Variants in LRRC37A2 observed in about 807,000 individuals in gnomAD.
LRRC37A2 encodes the protein leucine rich repeat containing 37 member A2.
A neutral mutation model predicts 68.8 loss-of-function variants in LRRC37A2; 9 were observed. The observed-to-expected ratio is 0.13, with a 90% CI of 0.08 to 0.23. The LOEUF is 0.23. Among genes scored for constraint, LRRC37A2 ranks in the 10% least tolerant of loss-of-function variants. The pLI is 1.00. For missense variants in LRRC37A2, 168 were observed against 950.4 expected (o/e 0.18, Z 10.82); for synonymous variants, 63 against 367.6 (o/e 0.17, Z 9.48).
chr17:46,708,820 A>T, the LRRC37A2 span, among the ~76,000 whole-genome samples: 39 of 98,522 alleles, frequency 4.0e-4, no homozygotes, highest in African/African-American at 1.5e-3. Context: ...ATATATATAT[A>T]TATTTTTTTT....
At chr17:46,952,458 G>A in the LRRC37A2 span, among the ~76,000 whole-genome samples, 1 of 152,206 alleles carries the variant, frequency 6.6e-6, no homozygotes, top group Admixed American at 6.5e-5. Context: ...TGTTGATCTA[G>A]CAAGAAGTCC....
chr17:46,889,447 A>G, the LRRC37A2 span, among the ~76,000 whole-genome samples: 751 of 152,278 alleles, frequency 4.9e-3, 6 homozygotes, highest in African/African-American at 0.017. Context: ...CATGGAAGTC[A>G]CGTCTTAACC....
chr17:46,504,840 C>A, the LRRC37A2 span, among the ~76,000 whole-genome samples: 1 of 117,214 alleles, frequency 8.5e-6, no homozygotes, highest in African/African-American at 3.6e-5. Context: ...AAATAAATTG[C>A]TTTAATAAAT....
At chr17:46,875,292 T>A in the LRRC37A2 span, 1 of 1,614,124 alleles carries the variant, frequency 6.2e-7, no homozygotes, top group Non-Finnish European at 8.5e-7. Flanking sequence ...TCTGAGCAAC[T>A]TCCTGGGGTC....
the LRRC37A2 span, among the ~76,000 whole-genome samples, chr17:46,989,281 AC>A: frequency 1.1e-4 from 17 of 152,116 alleles, no homozygotes; most frequent in African/African-American, 3.9e-4. Flanking sequence ...GCTGGGGACT[AC>A]CCCCTTCGAA....
chr17:46,735,129 A>G, the LRRC37A2 span, among the ~76,000 whole-genome samples: 1 of 152,324 alleles, frequency 6.6e-6, no homozygotes, highest in East Asian at 1.9e-4. Flanking sequence ...ATAAAATCAA[A>G]TTTTCAAAAT....
the LRRC37A2 span, chr17:46,755,561 C>T: frequency 1.5e-6 from 1 of 689,342 alleles, no homozygotes; most frequent in Admixed American, 2.9e-5. Flanking sequence ...TCCTGCTTCG[C>T]AAAACTTCCT....
At chr17:46,961,527 T>C in the LRRC37A2 span, among the ~76,000 whole-genome samples, 1 of 152,112 alleles carries the variant, frequency 6.6e-6, no homozygotes, top group Non-Finnish European at 1.5e-5. Context: ...AAATTAAGAC[T>C]CTGCCTCTGT....
the LRRC37A2 span, among the ~76,000 whole-genome samples, chr17:46,806,113 A>G: frequency 1.3e-5 from 2 of 151,804 alleles, no homozygotes; most frequent in African/African-American, 4.8e-5. Context: ...ACTAGCTGCC[A>G]CTGGAGCCGC....
chr17:46,725,133 C>T, the LRRC37A2 span, among the ~76,000 whole-genome samples: 10 of 151,940 alleles, frequency 6.6e-5, no homozygotes, highest in Admixed American at 5.2e-4. Flanking sequence ...AATATATATA[C>T]GTAATATACA....
At chr17:46,722,185 A>G in the LRRC37A2 span, 4 of 1,607,304 alleles carry the variant, frequency 2.5e-6, 1 homozygote, top group South Asian at 3.3e-5. Context: ...TCCTGGGAGA[A>G]CTTGCAGCGC....
chr17:46,820,243 G>A, the LRRC37A2 span, among the ~76,000 whole-genome samples: 1 of 152,198 alleles, frequency 6.6e-6, no homozygotes, highest in Non-Finnish European at 1.5e-5. Context: ...TGGCCTCGGG[G>A]GCACCAAGGG....
chr17:46,973,620 C>CA, the LRRC37A2 span, among the ~76,000 whole-genome samples: 1 of 152,182 alleles, frequency 6.6e-6, no homozygotes, highest in African/African-American at 2.4e-5. Flanking sequence ...GAACACCCCG[C>CA]AATGCTGTCA....
the LRRC37A2 span, among the ~76,000 whole-genome samples, chr17:47,000,083 AAATAAAATAAAATAAAAT>A: frequency 7.0e-4 from 54 of 77,082 alleles, 2 homozygotes; most frequent in Middle Eastern, 6.6e-3. Context: ...ATAAAAAATA[AAATAAAATAAAATAAAAT>A]AAAATAAAAT....
At chr17:46,771,015 C>T in the LRRC37A2 span, among the ~76,000 whole-genome samples, 1 of 152,208 alleles carries the variant, frequency 6.6e-6, no homozygotes, top group African/African-American at 2.4e-5. Context: ...CAAAATTGGT[C>T]ATAAATGTGA....
At chr17:46,824,501 G>C in the LRRC37A2 span, among the ~76,000 whole-genome samples, 1 of 152,226 alleles carries the variant, frequency 6.6e-6, no homozygotes, top group Non-Finnish European at 1.5e-5. Flanking sequence ...CGCCCGCCTT[G>C]GCCTCCCAAA....
the LRRC37A2 span, among the ~76,000 whole-genome samples, chr17:46,942,968 C>T: frequency 6.6e-6 from 1 of 152,190 alleles, no homozygotes; most frequent in East Asian, 1.9e-4. Context: ...GGTTCCCAAC[C>T]TTGGCTCTGC....
chr17:46,868,451 C>G, the LRRC37A2 span, among the ~76,000 whole-genome samples: 303 of 152,206 alleles, frequency 2.0e-3, 2 homozygotes, highest in African/African-American at 7.1e-3. Context: ...AAAAAAATAG[C>G]TGGGCGTGGT....
At chr17:46,771,760 C>CCCGCG in the LRRC37A2 span, among the ~76,000 whole-genome samples, 47 of 137,376 alleles carry the variant, frequency 3.4e-4, no homozygotes, top group African/African-American at 8.2e-4. Context: ...GCCCCCCGCC[C>CCCGCG]CCGCGCCGCG....
Sources: gnomAD v4.1 joint callset for allele counts (sites outside exome capture counted in the v4.1 genomes callset) on GRCh38, gnomAD v4.1.1 for gene constraint, MANE v1.5 for transcripts, NCBI Gene and HGNC (gene_info 2026-07-23, HGNC 2026-07-21) for gene names.